SOX5: variants seen among roughly 807,000 people sequenced by gnomAD.
SOX5 encodes SRY-box transcription factor 5, also known as transcription factor SOX-5.
Under a neutral mutation model 92.0 loss-of-function variants are expected in SOX5, and 9 were observed. That is an observed-to-expected ratio of 0.10 (90% CI 0.06 to 0.17). SOX5 has a LOEUF of 0.17. SOX5 is among the 10% of genes least tolerant of loss of function. The probability of loss-of-function intolerance (pLI) is 1.00; values close to 1 mark genes in which losing one functional copy is unlikely to be tolerated. For missense variants in SOX5, 642 were observed against 944.5 expected (o/e 0.68, Z 4.20); for synonymous variants, 344 against 336.3 (o/e 1.02, Z -0.25).
chr12:24,028,337 G>A (rs1010713881), intron 4 of SOX5, among the ~76,000 whole-genome samples: 33 of 151,986 alleles, frequency 2.2e-4, no homozygotes, highest in African/African-American at 7.7e-4. Flanking sequence ...AATATTGTTG[G>A]ATGAATGAAT....
chr12:24,212,769 T>A (rs998468479), intron 4 of SOX5, among the ~76,000 whole-genome samples: 1 of 152,212 alleles, frequency 6.6e-6, no homozygotes, highest in African/African-American at 2.4e-5. Flanking sequence ...TATTGAGATC[T>A]TTTATTTACA....
intron 11 of SOX5, among the ~76,000 whole-genome samples, chr12:23,558,177 A>G (rs908924067): frequency 1.3e-5 from 2 of 152,154 alleles, no homozygotes; most frequent in Non-Finnish European, 1.5e-5. Flanking sequence ...CTTCCCAGCT[A>G]ACATTACCTT....
intron 3 of SOX5, among the ~76,000 whole-genome samples, chr12:23,796,886 T>C (rs1222877645): frequency 7.4e-6 from 1 of 135,474 alleles, no homozygotes; most frequent in Non-Finnish European, 1.6e-5. Flanking sequence ...TATAAATATA[T>C]ATAAATATTT....
At chr12:24,369,100 A>T (rs1401739963) in intron 1 of SOX5, among the ~76,000 whole-genome samples, 1 of 152,212 alleles carries the variant, frequency 6.6e-6, no homozygotes, top group Non-Finnish European at 1.5e-5. Flanking sequence ...AACGCCTAGC[A>T]TGCTGTCTGA....
At chr12:24,210,925 A>C (rs748902796) in intron 4 of SOX5, among the ~76,000 whole-genome samples, 4 of 152,190 alleles carry the variant, frequency 2.6e-5, no homozygotes, top group Non-Finnish European at 5.9e-5. Flanking sequence ...ACTGATCCTT[A>C]AAACATATGA....
intron 2 of SOX5, among the ~76,000 whole-genome samples, chr12:24,340,736 A>G (rs901845407): frequency 2.0e-5 from 3 of 152,240 alleles, no homozygotes; most frequent in African/African-American, 7.2e-5. Context: ...TGAAAAGCAG[A>G]GTCCTTTGAT....
intron 8 of SOX5, among the ~76,000 whole-genome samples, chr12:23,625,861 C>T (rs562476660): frequency 6.2e-4 from 94 of 152,186 alleles, no homozygotes; most frequent in Non-Finnish European, 1.1e-3. Context: ...CCTGCCTCGG[C>T]CTCCCAAAGT....
intron 4 of SOX5, among the ~76,000 whole-genome samples, chr12:24,068,698 GTGTGTGTATATATATATATATATATA>G (rs1341608429): frequency 1.8e-5 from 1 of 56,430 alleles, no homozygotes; most frequent in African/African-American, 7.5e-5. Flanking sequence ...GTGTGTGTGT[GTGTGTGTATATATATATATATATATA>G]TATATATATA....
intron 6 of SOX5, among the ~76,000 whole-genome samples, chr12:23,667,829 C>T (rs575664836): frequency 2.9e-4 from 44 of 152,234 alleles, no homozygotes; most frequent in Middle Eastern, 3.4e-3. Flanking sequence ...AAAAAGAATA[C>T]AGTAAACAGT....
chr12:24,172,107 G>A (rs1276853344), intron 4 of SOX5, among the ~76,000 whole-genome samples: 8 of 152,014 alleles, frequency 5.3e-5, no homozygotes, highest in Non-Finnish European at 1.0e-4. Context: ...GCGCGCGTGT[G>A]TGTCTGTGTG....
intron 4 of SOX5, among the ~76,000 whole-genome samples, chr12:24,001,583 T>C (rs1951614505): frequency 6.6e-6 from 1 of 151,964 alleles, no homozygotes; most frequent in Admixed American, 6.6e-5. Flanking sequence ...GTAATCCGAG[T>C]ACTTTGAGAG....
chr12:23,825,002 G>T (rs2096201769), intron 3 of SOX5, among the ~76,000 whole-genome samples: 1 of 152,178 alleles, frequency 6.6e-6, no homozygotes, highest in Admixed American at 6.5e-5. Context: ...AGAATTAGAT[G>T]CCAGTGGATC....
chr12:23,752,096 CA>C (rs1363575492), intron 4 of SOX5, among the ~76,000 whole-genome samples: 1 of 151,160 alleles, frequency 6.6e-6, no homozygotes, highest in African/African-American at 2.4e-5. Flanking sequence ...GGAAACAAAC[CA>C]GGCTCTAAAA....
chr12:23,610,846 T>A (rs2137731674), intron 8 of SOX5, among the ~76,000 whole-genome samples: 1 of 152,092 alleles, frequency 6.6e-6, no homozygotes, highest in East Asian at 1.9e-4. Context: ...ATACCAAAAA[T>A]GGGTGAAGAT....
intron 4 of SOX5, among the ~76,000 whole-genome samples, chr12:24,187,977 T>C (rs1481141991): frequency 2.0e-5 from 3 of 152,326 alleles, no homozygotes; most frequent in East Asian, 3.8e-4. Flanking sequence ...GATATGTAAC[T>C]TCTGCTGTTC....
At chr12:23,610,361 G>C (rs1454502343) in intron 8 of SOX5, among the ~76,000 whole-genome samples, 3 of 152,078 alleles carry the variant, frequency 2.0e-5, no homozygotes, top group Admixed American at 2.0e-4. Flanking sequence ...GCCATCTGGA[G>C]TATTTGGATT....
chr12:24,547,594 C>CA (rs1333398798), intron 1 of SOX5, among the ~76,000 whole-genome samples: 2 of 152,130 alleles, frequency 1.3e-5, no homozygotes, highest in African/African-American at 2.4e-5. Context: ...GTCAATAGGA[C>CA]AAAAATGCTA....
At chr12:24,298,914 A>C (rs1037857414) in intron 2 of SOX5, among the ~76,000 whole-genome samples, 13 of 151,986 alleles carry the variant, frequency 8.6e-5, no homozygotes, top group Non-Finnish European at 1.6e-4. Flanking sequence ...TTCAGTATGT[A>C]AAATATCACA....
chr12:24,245,235 TTGTGTGTGTGTGTGTGTG>T (rs58384963), intron 3 of SOX5, among the ~76,000 whole-genome samples: 86 of 144,364 alleles, frequency 6.0e-4, no homozygotes, highest in African/African-American at 2.2e-3. Flanking sequence ...TTGGAGAGAT[TTGTGTGTGTGTGTGTGTG>T]TGTGTGTGTG....
Sources: allele counts gnomAD v4.1 joint callset (sites outside exome capture counted in the v4.1 genomes callset), GRCh38; gene constraint gnomAD v4.1.1; transcripts MANE v1.5; gene names NCBI Gene and HGNC (gene_info 2026-07-23, HGNC 2026-07-21).